RBM20: variants seen among roughly 807,000 people sequenced by gnomAD.
RBM20 encodes RNA binding motif protein 20.
Under a neutral mutation model 110.1 loss-of-function variants are expected in RBM20, and 51 were observed. That is an observed-to-expected ratio of 0.46 (90% CI 0.37 to 0.59). The LOEUF is 0.59. Ranked by LOEUF, RBM20 falls within the 20% of genes least tolerant of loss-of-function variation. RBM20 has a pLI of 0.00. For missense variants in RBM20, 1,512 were observed against 1,574.9 expected (o/e 0.96, Z 0.68); for synonymous variants, 589 against 618.2 (o/e 0.95, Z 0.70).
At chr10:110,796,244 CT>C (rs1304436476) in intron 5 of RBM20, among the ~76,000 whole-genome samples, 2 of 152,184 alleles carry the variant, frequency 1.3e-5, no homozygotes, top group African/African-American at 4.8e-5. Flanking sequence ...GATATATATG[CT>C]GCACATCTTT....
intron 1 of RBM20, among the ~76,000 whole-genome samples, chr10:110,705,144 C>A (rs1429353923): frequency 6.6e-6 from 1 of 152,190 alleles, no homozygotes; most frequent in Non-Finnish European, 1.5e-5. Context: ...GATGCTGGTT[C>A]TTTCTGTGGA....
intron 1 of RBM20, among the ~76,000 whole-genome samples, chr10:110,774,475 C>T (rs1157131090): frequency 6.6e-6 from 1 of 152,086 alleles, no homozygotes; most frequent in Non-Finnish European, 1.5e-5. Flanking sequence ...GTGGCCTCAT[C>T]TTCTCCTTGC....
rs141408344 is a variant in RBM20 at position 110,715,202 on chromosome 10, C to T, written c.192-65599C>T. Among the ~76,000 whole-genome samples the T allele has an allele frequency of 1.7e-4, 26 of 152,210 alleles. No homozygotes were observed. In the East Asian group the frequency reaches 2.3e-3, roughly 14 times the overall value. On this transcript the variant is annotated intron_variant, in intron 1 of 13. Coordinates refer to ENST00000369519, the MANE Select transcript of RBM20 (RefSeq NM_001134363.3). ...GGCAGAGGCTGCAGTGAGTCAAGAT[C>T]GCACCACTGCACTCCAGCCTGTGCG...
intron 1 of RBM20, among the ~76,000 whole-genome samples, chr10:110,719,366 C>A (rs1232990417): frequency 6.6e-6 from 1 of 152,216 alleles, no homozygotes; most frequent in African/African-American, 2.4e-5. Flanking sequence ...ATTTCCCCTT[C>A]CATTAATTGA....
chr10:110,663,510 T>C (rs1223249762), intron 1 of RBM20, among the ~76,000 whole-genome samples: 1 of 152,174 alleles, frequency 6.6e-6, no homozygotes, highest in African/African-American at 2.4e-5. Flanking sequence ...AATAAACCAA[T>C]AAAAATATTT....
chr10:110,784,476 C>T, intron 4 of RBM20, 44 bp downstream of exon 4: 1 of 1,387,214 alleles, frequency 7.2e-7, no homozygotes, highest in Non-Finnish European at 1.0e-6. Context: ...CAGAAGTGGG[C>T]TACCCACAGG....
Position 110,662,034 on chromosome 10 carries a change from A to C in RBM20, c.191+17389A>C, listed in dbSNP as rs775076598. On this transcript the variant is annotated intron_variant, in intron 1 of 13. Coordinates refer to ENST00000369519, the MANE Select transcript of RBM20 (RefSeq NM_001134363.3). ...CAGGAAAAAAAAAAAAGATAGTAGC[A>C]TTGAGTGGCAGAGTCTATATGCTGT... is the stretch of plus-strand genomic sequence containing the variant. 8.2e-4 allele frequency among the ~76,000 whole-genome samples: 124 copies of C among 150,324 alleles called. 1 individual carries two copies. The highest frequency in any genetic ancestry group is 1.2e-3 in the Non-Finnish European group (80 of 67,582).
Position 110,797,668 on chromosome 10 carries a change from C to A in RBM20, c.1668+20C>A. 2 of 1,550,614 alleles carry A rather than the reference C, an allele frequency of 1.3e-6. No individual in the cohort carries two copies. Among genetic ancestry groups the A allele is most frequent in the Non-Finnish European group, 8.7e-7 (1 of 1,146,062 alleles). On this transcript the variant is annotated intron_variant, in intron 6 of 13. Coordinates refer to ENST00000369519, the MANE Select transcript of RBM20 (RefSeq NM_001134363.3). Reference sequence around the variant, plus strand: ...AATCAGGTAGGTCTGGGTACTTTCACTCCAGTGTATATGCCACAGACCACA... The same window carrying A: ...AATCAGGTAGGTCTGGGTACTTTCAATCCAGTGTATATGCCACAGACCACA...
chr10:110,754,908 C>T (rs769931544), intron 1 of RBM20, among the ~76,000 whole-genome samples: 4 of 152,180 alleles, frequency 2.6e-5, no homozygotes, highest in Non-Finnish European at 5.9e-5. Context: ...CTGACAATTT[C>T]ACTAGTTATT....
chr10:110,726,199 G>A (rs959217383), intron 1 of RBM20, among the ~76,000 whole-genome samples: 33 of 152,284 alleles, frequency 2.2e-4, no homozygotes, highest in Admixed American at 1.6e-3. Context: ...CTCTGACCAC[G>A]AAAGGGCTCA....
intron 1 of RBM20, among the ~76,000 whole-genome samples, chr10:110,736,203 G>A (rs759568875): frequency 6.6e-6 from 1 of 152,304 alleles, no homozygotes; most frequent in South Asian, 2.1e-4. Context: ...CAAGAAAATT[G>A]CAATGCAGTT....
rs755917660 is a variant in RBM20 at position 110,820,155 on chromosome 10, G to A, written c.2634G>A (p.Pro878=). Residue 878 remains proline, a synonymous_variant, in exon 10 of 14, where the codon CCG becomes CCA. Coordinates refer to ENST00000369519, the MANE Select transcript of RBM20 (RefSeq NM_001134363.3). ...RQEKEAEFSD[P]ENTRTKKEQD... The stretch of plus-strand genomic sequence containing the variant: ...AGAAAGAAGCAGAGTTCTCTGATCC[G>A]GAAAACACAAGGACAAAGAAGGTAA... 5.7e-5 allele frequency: 88 copies of A among 1,550,920 alleles called. No individual in the cohort carries two copies. In the South Asian group the frequency reaches 6.5e-4, roughly 12 times the overall value.
intron 1 of RBM20, among the ~76,000 whole-genome samples, chr10:110,674,588 A>G (rs554938800): frequency 2.0e-4 from 30 of 152,326 alleles, no homozygotes; most frequent in African/African-American, 7.0e-4. Context: ...TCACTGGATT[A>G]ATGGTGTTGA....
intron 12 of RBM20, among the ~76,000 whole-genome samples, chr10:110,830,453 C>T (rs191740701): frequency 4.0e-5 from 6 of 151,568 alleles, no homozygotes; most frequent in African/African-American, 1.5e-4. Flanking sequence ...TACAATTTCA[C>T]GAAAAAAAGA....
chr10:110,784,660 G>T, intron 4 of RBM20, 132 bp from the exon 5 acceptor site: 1 of 729,746 alleles, frequency 1.4e-6, no homozygotes, highest in East Asian at 2.7e-5. Context: ...CATGTCCAGA[G>T]GTACAATCAT....
At chr10:110,827,772 C>T (rs1845000338) in intron 12 of RBM20, 1 of 152,164 alleles carries the variant, frequency 6.6e-6, no homozygotes, top group African/African-American at 2.4e-5. Flanking sequence ...ATATTTAAGA[C>T]CTATTATGGC....
intron 9 of RBM20, among the ~76,000 whole-genome samples, chr10:110,816,687 C>T (rs1273213784): frequency 6.6e-6 from 1 of 152,180 alleles, no homozygotes; most frequent in African/African-American, 2.4e-5. Flanking sequence ...CTGTTGTGTT[C>T]ACTGCTGTGT....
intron 1 of RBM20, among the ~76,000 whole-genome samples, chr10:110,771,261 G>C (rs1414155417): frequency 2.0e-5 from 3 of 152,062 alleles, no homozygotes; most frequent in Non-Finnish European, 4.4e-5. Context: ...GAGTAGGTGG[G>C]ACTACAGGCG....
At chr10:110,690,314 G>A (rs1251659019) in intron 1 of RBM20, among the ~76,000 whole-genome samples, 1 of 152,124 alleles carries the variant, frequency 6.6e-6, no homozygotes, top group Non-Finnish European at 1.5e-5. Flanking sequence ...GCTGAGGCAG[G>A]AGGATCGCTT....
Sources: gnomAD v4.1 joint callset for allele counts (sites outside exome capture counted in the v4.1 genomes callset) on GRCh38, gnomAD v4.1.1 for gene constraint, MANE v1.5 for transcripts, NCBI Gene and HGNC (gene_info 2026-07-23, HGNC 2026-07-21) for gene names.